The following NDRG1 variants were observed in gnomAD, a reference collection of about 807,000 sequenced individuals.
NDRG1 encodes protein NDRG1.
NDRG1 carries 32 observed loss-of-function variants against 56.9 expected under a neutral mutation model. That is an observed-to-expected ratio of 0.56 (90% confidence interval 0.42 to 0.76). The LOEUF is 0.76. Ranked by LOEUF, NDRG1 falls within the 30% of genes least tolerant of loss-of-function variation. The pLI is 0.00. For synonymous variants in NDRG1, 211 were observed against 204.1 expected, an observed-to-expected ratio of 1.03 and a Z score of -0.29; for missense variants, 507 against 545.7, an observed-to-expected ratio of 0.93 and a Z score of 0.71.
At chr8:133,250,626 T>C (rs1855964873) in intron 9 of NDRG1, 83 bp from the exon 10 acceptor site, 1 of 1,161,382 alleles carries the variant, frequency 8.6e-7, no homozygotes, top group African/African-American at 1.5e-5. Flanking sequence ...TCCAGGTTAT[T>C]TGGAGACAAA....
At chr8:133,252,298 T>C (rs973756050) in intron 9 of NDRG1, among the ~76,000 whole-genome samples, 1 of 152,216 alleles carries the variant, frequency 6.6e-6, no homozygotes, top group Non-Finnish European at 1.5e-5. Context: ...TTTCACCATG[T>C]TGGCCAGGCT....
intron 2 of NDRG1, among the ~76,000 whole-genome samples, chr8:133,283,056 TAG>T (rs1392373525): frequency 6.6e-6 from 1 of 152,238 alleles, no homozygotes; most frequent in African/African-American, 2.4e-5. Context: ...CAGCCACATG[TAG>T]AGTCATAAGG....
intron 6 of NDRG1, among the ~76,000 whole-genome samples, chr8:133,258,646 C>T (rs1458965102): frequency 6.6e-6 from 1 of 152,240 alleles, no homozygotes; most frequent in Non-Finnish European, 1.5e-5. Flanking sequence ...TCCTGGCCGC[C>T]ACCCAGGCTC....
rs528196722 is a variant in NDRG1 at position 133,242,091 on chromosome 8, G to A, written c.892-17C>T. The A allele has an allele frequency of 3.1e-6, 5 of 1,614,102 alleles. No homozygotes were observed. Among genetic ancestry groups the A allele is most frequent in the South Asian group, 1.1e-5 (1 of 91,092 alleles). ...CTTGGCCGGCTGCGAGAGACAAGGA[G>A]AGAAAATGCAGTCAGTTGCTGGGGA... On this transcript the variant is annotated splice_polypyrimidine_tract_variant and intron_variant, in intron 14 of 15. Coordinates refer to ENST00000323851, the MANE Select transcript of NDRG1 (RefSeq NM_006096.4).
chr8:133,261,307 C>T (rs897347110), intron 5 of NDRG1, among the ~76,000 whole-genome samples: 3 of 151,944 alleles, frequency 2.0e-5, no homozygotes, highest in African/African-American at 4.8e-5. Flanking sequence ...GGTTTCATCA[C>T]GTTGGCCGGA....
chr8:133,264,935 C>T (rs938794231), intron 3 of NDRG1: 7 of 475,026 alleles, frequency 1.5e-5, no homozygotes, highest in Middle Eastern at 6.0e-4. Flanking sequence ...ATCTCTGCCC[C>T]GGACTGTTTG....
At position 133,238,781 on chromosome 8, in the gene NDRG1, G is replaced by A; in HGVS notation, c.*97C>T. ...AAAATAAGCTTTGGATTAATACCGA[G>A]TTAGGCGCAGTATGGCAGGCAGGGG... On this transcript the variant is annotated 3_prime_UTR_variant, in exon 16 of 16. Transcript: ENST00000323851. 1 of 1,360,966 alleles carries A rather than the reference G, an allele frequency of 7.3e-7. No homozygotes were observed. Among genetic ancestry groups the A allele is most frequent in the South Asian group, 1.4e-5 (1 of 73,224 alleles). 84.3% of individuals were successfully genotyped at this position (1,360,966 alleles called of 1,614,324 possible). A position where few individuals can be genotyped will look rare whatever the true frequency, so the allele number is the denominator to read the frequency against.
chr8:133,242,176 G>A, intron 14 of NDRG1, 102 bp from the exon 15 acceptor site: 1 of 1,221,534 alleles, frequency 8.2e-7, no homozygotes, highest in Non-Finnish European at 1.2e-6. Context: ...TGAGAGTTTG[G>A]CTCAAGACAA....
chr8:133,242,476 C>G (rs1467107564), intron 14 of NDRG1, among the ~76,000 whole-genome samples: 1 of 152,216 alleles, frequency 6.6e-6, no homozygotes, highest in Non-Finnish European at 1.5e-5. Context: ...TCCTGACAAC[C>G]CCTCACGAGG....
intron 1 of NDRG1, among the ~76,000 whole-genome samples, chr8:133,288,029 A>G (rs187111318): frequency 1.1e-4 from 17 of 152,010 alleles, no homozygotes; most frequent in Admixed American, 5.9e-4. Flanking sequence ...TCACACTCAG[A>G]CATTCTCACA....
At chr8:133,281,019 G>C (rs2130787353) in intron 2 of NDRG1, 1 of 152,324 alleles carries the variant, frequency 6.6e-6, no homozygotes, top group East Asian at 1.9e-4. Flanking sequence ...CTTGTGAGTA[G>C]AAGAGGCAGT....
chr8:133,281,610 A>G (rs1857808275), intron 2 of NDRG1, among the ~76,000 whole-genome samples: 1 of 152,120 alleles, frequency 6.6e-6, no homozygotes, highest in Admixed American at 6.5e-5. Flanking sequence ...ACCCACCACA[A>G]ACCCCCAGAA....
intron 3 of NDRG1, among the ~76,000 whole-genome samples, chr8:133,266,912 T>A (rs1444704581): frequency 6.6e-6 from 1 of 152,122 alleles, no homozygotes; most frequent in African/African-American, 2.4e-5. Flanking sequence ...CTGAATCCCT[T>A]AAGACCAACG....
rs2130698869 is a variant in NDRG1 at position 133,250,535 on chromosome 8, C to A, written c.603G>T (p.Met201Ile). The A allele has an allele frequency of 6.2e-7, 1 of 1,614,006 alleles. No individual in the cohort carries two copies. The highest frequency in any genetic ancestry group is 8.5e-7 in the Non-Finnish European group (1 of 1,179,938). Residue 201 changes from methionine (M) to isoleucine (I), a missense_variant, in exon 10 of 16, where the codon ATG becomes ATT. Transcript: ENST00000323851. Reference sequence around the variant, plus strand: ...TGTGGACCACTTCCACGTTACTCTGCATTTCTTCCTGCATTTAGAGAGGTG... The same window carrying A: ...TGTGGACCACTTCCACGTTACTCTGAATTTCTTCCTGCATTTAGAGAGGTG... Reference protein sequence around the residue: ...VVSHLFGKEEMQSNVEVVHTY... With the variant: ...VVSHLFGKEEIQSNVEVVHTY...
chr8:133,266,233 CG>C (rs1366995224), intron 3 of NDRG1, among the ~76,000 whole-genome samples: 2 of 152,362 alleles, frequency 1.3e-5, no homozygotes, highest in African/African-American at 4.8e-5. Flanking sequence ...CGCCCGCAAG[CG>C]GCGCACACTC....
intron 15 of NDRG1, 173 bp downstream of exon 15, chr8:133,241,850 G>T: frequency 1.4e-6 from 1 of 712,456 alleles, no homozygotes. Flanking sequence ...ATAAATGAGA[G>T]GCTAGATCCT....
chr8:133,271,209 C>T (rs1176423988), intron 3 of NDRG1, among the ~76,000 whole-genome samples: 3 of 152,296 alleles, frequency 2.0e-5, no homozygotes, highest in African/African-American at 7.2e-5. Context: ...GGATCTAAGT[C>T]AGTTGGTGGG....
chr8:133,258,553 C>A, intron 6 of NDRG1, 127 bp from the exon 7 acceptor site: 1 of 870,504 alleles, frequency 1.1e-6, no homozygotes, highest in Non-Finnish European at 1.9e-6. Flanking sequence ...CCGTAACTGC[C>A]TGCACAGCTC....
rs1269503754 is a variant in NDRG1 at position 133,262,087 on chromosome 8, C to T, written c.286G>A (p.Ala96Thr). 4 of 1,614,110 alleles carry T rather than the reference C, an allele frequency of 2.5e-6. No homozygotes were observed. The highest frequency in any genetic ancestry group is 1.7e-5 in the Admixed American group (1 of 60,022). ...GCTGCGCCGTCCTGCTGGCCAGGGGCGTCCACGTGGCAGACGGCAAAGTGC... is the reference window on the plus strand; with the variant it reads ...GCTGCGCCGTCCTGCTGGCCAGGGGTGTCCACGTGGCAGACGGCAAAGTGC... ...TQHFAVCHVD[A>T]PGQQDGAASF... Residue 96 changes from alanine to threonine, a missense_variant, in exon 5 of 16, where the codon GCC becomes ACC. Physicochemically the swap from Ala to Thr is moderately conservative, Grantham distance 58 (BLOSUM62 0). Coordinates refer to ENST00000323851, the MANE Select transcript of NDRG1 (RefSeq NM_006096.4).
Sources: allele counts gnomAD v4.1 joint callset (sites outside exome capture counted in the v4.1 genomes callset), GRCh38; gene constraint gnomAD v4.1.1; transcripts MANE v1.5; gene names NCBI Gene and HGNC (gene_info 2026-07-23, HGNC 2026-07-21).